Variants in RHPN2 observed in about 807,000 individuals in gnomAD.
RHPN2 encodes rhophilin Rho GTPase binding protein 2, also known as rhophilin-2.
In RHPN2, 40 loss-of-function variants were observed where a neutral mutation model predicts 79.0. The ratio of observed to expected loss-of-function variants is 0.51; its 90% CI spans 0.39 to 0.66. RHPN2 has a LOEUF of 0.66. Among genes scored for constraint, RHPN2 ranks in the 30% least tolerant of loss-of-function variants. The pLI is 0.00. For missense variants in RHPN2, 686 were observed against 883.5 expected (o/e 0.78, Z 2.83); for synonymous variants, 285 against 363.5 (o/e 0.78, Z 2.46).
chr19:32,991,524 CA>C (rs1300650499), intron 13 of RHPN2: 2 of 395,022 alleles, frequency 5.1e-6, no homozygotes, highest in Non-Finnish European at 9.5e-6. Flanking sequence ...CCCAGCTACT[CA>C]GGAAGCTGAG....
At chr19:33,004,706 C>T (rs1413889734) in intron 7 of RHPN2, among the ~76,000 whole-genome samples, 2 of 151,748 alleles carry the variant, frequency 1.3e-5, no homozygotes, top group Non-Finnish European at 2.9e-5. Context: ...CCTGCCTCAG[C>T]CTCCCAAGTA....
At chr19:33,019,861 C>A (rs1971909088) in intron 4 of RHPN2, among the ~76,000 whole-genome samples, 1 of 152,136 alleles carries the variant, frequency 6.6e-6, no homozygotes, top group South Asian at 2.1e-4. Context: ...AATGCCTGGG[C>A]TGCATGGCGC....
At chr19:33,060,954 T>C (rs1189853949) in intron 1 of RHPN2, among the ~76,000 whole-genome samples, 1 of 152,172 alleles carries the variant, frequency 6.6e-6, no homozygotes, top group African/African-American at 2.4e-5. Flanking sequence ...CCATAGCTTC[T>C]TTCCCATTCG....
intron 2 of RHPN2, among the ~76,000 whole-genome samples, chr19:33,039,977 A>G (rs984951408): frequency 6.6e-6 from 1 of 151,912 alleles, no homozygotes; most frequent in African/African-American, 2.4e-5. Flanking sequence ...TGCCTCATCC[A>G]GACAGGGCAT....
intron 1 of RHPN2, among the ~76,000 whole-genome samples, chr19:33,055,981 T>C (rs1045823953): frequency 1.3e-5 from 2 of 151,942 alleles, no homozygotes; most frequent in African/African-American, 4.8e-5. Flanking sequence ...GAAGTGACAA[T>C]GCCTCACTGT....
intron 11 of RHPN2, among the ~76,000 whole-genome samples, chr19:32,995,255 T>C (rs1971691847): frequency 6.6e-6 from 1 of 151,922 alleles, no homozygotes; most frequent in Non-Finnish European, 1.5e-5. Flanking sequence ...TTTTTAATTT[T>C]TTGTAGAGAT....
At position 32,980,152 on chromosome 19, in the gene RHPN2, G is replaced by A; in HGVS notation, c.1905C>T (p.Ser635=). ...DDKTDKTKKI[S]KKLSFLSWGT... ...CCCAACTCAGGAAGGAAAGCTTCTT[G>A]GAGATTTTCTTGGTTTTATCAGTTT... Residue 635 remains serine, a synonymous_variant, in exon 15 of 15, where the codon TCC becomes TCT. Transcript: ENST00000254260. 1.2e-6 allele frequency: 2 copies of A among 1,613,950 alleles called. No homozygotes were observed. Among genetic ancestry groups the A allele is most frequent in the Non-Finnish European group, 1.7e-6 (2 of 1,179,868 alleles).
chr19:32,988,072 ACC>A (rs1971624931), intron 14 of RHPN2, among the ~76,000 whole-genome samples: 1 of 152,010 alleles, frequency 6.6e-6, no homozygotes, highest in African/African-American at 2.4e-5. Flanking sequence ...AGTGGTACAC[ACC>A]TGTAGTTCCA....
chr19:33,029,979 A>G (rs1359894358), intron 2 of RHPN2, among the ~76,000 whole-genome samples: 2 of 152,218 alleles, frequency 1.3e-5, no homozygotes, highest in Non-Finnish European at 2.9e-5. Flanking sequence ...GGGGGCTGAT[A>G]GCATAGGCAC....
intron 2 of RHPN2, among the ~76,000 whole-genome samples, chr19:33,033,467 G>A (rs1253297386): frequency 1.3e-5 from 2 of 152,226 alleles, no homozygotes; most frequent in Non-Finnish European, 2.9e-5. Flanking sequence ...TCGGGAGGCT[G>A]AGGCAGGAGA....
intron 1 of RHPN2, among the ~76,000 whole-genome samples, chr19:33,062,857 C>T (rs985760273): frequency 2.6e-5 from 4 of 151,894 alleles, no homozygotes; most frequent in African/African-American, 9.7e-5. Context: ...TCTTGCCATC[C>T]ACTCTTTCCC....
chr19:33,041,799 TAA>T (rs1972102706), intron 2 of RHPN2, among the ~76,000 whole-genome samples: 1 of 152,160 alleles, frequency 6.6e-6, no homozygotes, highest in Non-Finnish European at 1.5e-5. Context: ...TACTTGTCTA[TAA>T]AAGTCTCCTC....
chr19:33,042,984 CAGG>C lies in RHPN2; in HGVS notation c.185+1262_185+1264del, dbSNP rs758266348. On this transcript the variant is annotated intron_variant, in intron 2 of 14. Coordinates refer to ENST00000254260, the MANE Select transcript of RHPN2 (RefSeq NM_033103.5). ...ATCCCAGCTACTGAGGAGGCTGAGG[CAGG>C]AGAATCACTTGAACCTGGGAAGCAG... Among the ~76,000 whole-genome samples, 94 of 151,816 alleles carry C rather than the reference CAGG, an allele frequency of 6.2e-4. No individual in the cohort carries two copies. The Middle Eastern group carries it at 0.01, about 16-fold the overall frequency.
intron 1 of RHPN2, among the ~76,000 whole-genome samples, chr19:33,060,228 C>G (rs1972268465): frequency 6.6e-6 from 1 of 152,172 alleles, no homozygotes; most frequent in South Asian, 2.1e-4. Context: ...CTCACTGCAG[C>G]CTCCATCTCC....
chr19:33,055,827 G>A (rs1222486578), intron 1 of RHPN2, among the ~76,000 whole-genome samples: 1 of 151,844 alleles, frequency 6.6e-6, no homozygotes, highest in Non-Finnish European at 1.5e-5. Flanking sequence ...CATAAACCAG[G>A]ACACAATGAA....
chr19:33,016,211 AT>A (rs879404672), intron 4 of RHPN2, among the ~76,000 whole-genome samples: 3,572 of 146,384 alleles, frequency 0.024, 105 homozygotes, highest in African/African-American at 0.075. Context: ...TTGATTCGAA[AT>A]TTTTTTTTTT....
intron 1 of RHPN2, among the ~76,000 whole-genome samples, chr19:33,045,112 C>T (rs944081012): frequency 2.8e-5 from 4 of 144,546 alleles, no homozygotes; most frequent in East Asian, 2.1e-4. Context: ...AGTGCAGTGG[C>T]GCGATCTCGG....
At chr19:33,026,722 G>A in intron 2 of RHPN2, 90 bp from the exon 3 acceptor site, 3 of 1,476,128 alleles carry the variant, frequency 2.0e-6, no homozygotes, top group Non-Finnish European at 2.8e-6. Flanking sequence ...CTGCAGGGAG[G>A]ATCAGGGCAC....
At chr19:32,989,836 G>A (rs1204527737) in intron 14 of RHPN2, among the ~76,000 whole-genome samples, 1 of 152,180 alleles carries the variant, frequency 6.6e-6, no homozygotes, top group African/African-American at 2.4e-5. Context: ...TGGGCATGGT[G>A]GCTCACGCCT....
Sources: gnomAD v4.1 joint callset for allele counts (sites outside exome capture counted in the v4.1 genomes callset) on GRCh38, gnomAD v4.1.1 for gene constraint, MANE v1.5 for transcripts, NCBI Gene and HGNC (gene_info 2026-07-23, HGNC 2026-07-21) for gene names.